Variants in AGAP3 observed in about 807,000 individuals in gnomAD.
The protein encoded by AGAP3 is arf-GAP with GTPase, ANK repeat and PH domain-containing protein 3.
Under a neutral mutation model 96.9 loss-of-function variants are expected in AGAP3, and 24 were observed. The ratio of observed to expected loss-of-function variants is 0.25; its 90% CI spans 0.18 to 0.35. The LOEUF (loss-of-function observed/expected upper bound fraction) is 0.35, where lower values mean the gene tolerates loss of function less well. AGAP3 is among the 10% of genes least tolerant of loss of function. The probability of loss-of-function intolerance (pLI) is 1.00; values close to 1 mark genes in which losing one functional copy is unlikely to be tolerated. For synonymous variants in AGAP3, 563 were observed against 536.1 expected, an observed-to-expected ratio of 1.05 and a Z score of -0.69; for missense variants, 876 against 1,254.2, an observed-to-expected ratio of 0.70 and a Z score of 4.55.
intron 1 of AGAP3, among the ~76,000 whole-genome samples, chr7:151,106,302 G>C (rs1488974888): frequency 6.6e-6 from 1 of 152,112 alleles, no homozygotes. Flanking sequence ...TCAGGCTGGT[G>C]AAAGAGTCTT....
At chr7:151,093,295 C>T (rs1329892945) in intron 1 of AGAP3, among the ~76,000 whole-genome samples, 1 of 152,092 alleles carries the variant, frequency 6.6e-6, no homozygotes, top group Non-Finnish European at 1.5e-5. Context: ...TATGCACCAG[C>T]ACACCCAGCT....
intron 1 of AGAP3, among the ~76,000 whole-genome samples, chr7:151,097,771 C>T (rs1373370469): frequency 1.3e-5 from 2 of 152,100 alleles, no homozygotes; most frequent in Admixed American, 1.3e-4. Flanking sequence ...CCCAAACACC[C>T]TCCCACCAGG....
In AGAP3 at chr7:151,143,250, G is replaced by C. The variant is rs1169951156; in HGVS notation, c.2274-91G>C. 10 of 1,455,708 alleles carry C rather than the reference G, an allele frequency of 6.9e-6. 1 individual carries two copies. The Admixed American group carries it at 2.2e-4, about 32-fold the overall frequency. The allele number at this position is 1,455,708 out of a possible 1,614,324, so 90.2% of individuals were successfully genotyped here. A position where few individuals can be genotyped will look rare whatever the true frequency, so the allele number is the denominator to read the frequency against. On this transcript the variant is annotated intron_variant, in intron 16 of 17. Transcript: ENST00000397238. This position sits in a 1 kb window ranked among gnomAD's most constrained non-coding sequence, Gnocchi z 5.9. ...CACTGTTTCTTCCTTGTTCCCCCGG[G>C]TGCTCGCTTCCTTTCCTGCCCACCT...
Position 151,138,273 on chromosome 7 carries a change from T to C in AGAP3, c.1626T>C (p.Ser542=). The C allele has an allele frequency of 6.2e-7, 1 of 1,612,654 alleles. No homozygotes were observed. Residue 542 remains serine (S), a synonymous_variant, in exon 12 of 18, where the codon AGT becomes AGC. Transcript: ENST00000397238. ...SCSVSSADQW[S]EATTSLPPGM... ...CCGTTTCCAGCGCCGACCAGTGGAG[T>C]GAGGCCACCACTTCCCTGCCCCCAG...
chr7:151,100,144 G>A (rs1798779500), intron 1 of AGAP3, among the ~76,000 whole-genome samples: 1 of 152,236 alleles, frequency 6.6e-6, no homozygotes, highest in Admixed American at 6.5e-5. Context: ...CGCCCTTTGT[G>A]GCGTCTCAGA....
At chr7:151,120,897 G>T (rs1799851005) in intron 8 of AGAP3, 2 of 1,076,694 alleles carry the variant, frequency 1.9e-6, no homozygotes, top group East Asian at 8.0e-5. Context: ...GCGACACACA[G>T]TGCCCATCCA....
chr7:151,099,681 C>T lies in AGAP3; in HGVS notation c.331+12609C>T, dbSNP rs375692936. On this transcript the variant is annotated intron_variant, in intron 1 of 17. Transcript: ENST00000397238. ...CTGGCACCGGGACCGGGCCGCTGGC[C>T]GCTGTCAGTCAGCATCTTGACCACC... is the stretch of plus-strand genomic sequence containing the variant. Among the ~76,000 whole-genome samples the T allele has an allele frequency of 2.0e-4, 30 of 152,302 alleles. No homozygotes were observed. In the East Asian group the frequency reaches 3.1e-3, roughly 16 times the overall value.
Position 151,117,475 on chromosome 7 carries a change from G to T in AGAP3, c.564+19G>T. On this transcript the variant is annotated intron_variant, in intron 4 of 17. Coordinates refer to ENST00000397238, the MANE Select transcript of AGAP3 (RefSeq NM_031946.7). ...GCTCCAGGTGATGCTCCTGCCCAGGGTTAGGGCCCACCGCTGTGCCTGGAG... is the reference window on the plus strand; with the variant it reads ...GCTCCAGGTGATGCTCCTGCCCAGGTTTAGGGCCCACCGCTGTGCCTGGAG... 6.8e-6 allele frequency: 11 copies of T among 1,614,102 alleles called. No homozygotes were observed. Among genetic ancestry groups the T allele is most frequent in the Non-Finnish European group, 9.3e-6 (11 of 1,179,960 alleles).
Position 151,134,596 on chromosome 7 carries a change from G to C in AGAP3, c.1495+28G>C, listed in dbSNP as rs780165231. Reference sequence around the variant, plus strand: ...GAGGCGGCTGCTGAGGTGGGGGCCTGGGGGGTGGCTGCCTTGGAGCCAAGG... The same window carrying C: ...GAGGCGGCTGCTGAGGTGGGGGCCTCGGGGGTGGCTGCCTTGGAGCCAAGG... On this transcript the variant is annotated intron_variant, in intron 11 of 17. Coordinates refer to ENST00000397238, the MANE Select transcript of AGAP3 (RefSeq NM_031946.7). 23 of 1,572,208 alleles carry C rather than the reference G, an allele frequency of 1.5e-5. 1 individual carries two copies. In the African/African-American group the frequency reaches 2.4e-4, roughly 17 times the overall value.
chr7:151,100,470 T>C (rs1401850694), intron 1 of AGAP3, among the ~76,000 whole-genome samples: 1 of 152,174 alleles, frequency 6.6e-6, no homozygotes, highest in Non-Finnish European at 1.5e-5. Flanking sequence ...GCTACGCCAG[T>C]GTCGGGATTG....
intron 7 of AGAP3, among the ~76,000 whole-genome samples, chr7:151,119,001 G>T (rs1799733951): frequency 6.6e-6 from 1 of 152,232 alleles, no homozygotes; most frequent in Non-Finnish European, 1.5e-5. Context: ...ATCTCTCCAA[G>T]GCCTGCCCTG....
chr7:151,087,671 G>T (rs1585025974), intron 1 of AGAP3, among the ~76,000 whole-genome samples: 2 of 152,362 alleles, frequency 1.3e-5, no homozygotes, highest in African/African-American at 4.8e-5. Context: ...CGGGTCATGA[G>T]CCTGACGGGG....
rs560752491 is a variant in AGAP3, at chr7:151,114,448, C to T, written c.332-2345C>T. ...TAATGACAGCTCCTCACCTACCTGC[C>T]GGATCCTAGGAGGCGCCCTGGGCTG... On this transcript the variant is annotated intron_variant, in intron 1 of 17. Transcript: ENST00000397238. This position sits in a 1 kb window ranked among gnomAD's most constrained non-coding sequence, Gnocchi z 4.4. Among the ~76,000 whole-genome samples the T allele has an allele frequency of 1.1e-3, 170 of 152,332 alleles. 1 individual carries two copies. The highest frequency in any genetic ancestry group is 3.4e-4 in the Non-Finnish European group (23 of 68,016).
chr7:151,085,943 T>C (rs1445406526), upstream of AGAP3: 1 of 152,052 alleles, frequency 6.6e-6, no homozygotes, highest in African/African-American at 2.4e-5. Flanking sequence ...GGCAGCAGGG[T>C]GGTCTCTAGG....
intron 1 of AGAP3, among the ~76,000 whole-genome samples, chr7:151,089,171 A>G (rs929438434): frequency 6.6e-6 from 1 of 152,110 alleles, no homozygotes; most frequent in Non-Finnish European, 1.5e-5. Flanking sequence ...AAAGAAAAAA[A>G]AAACCACTCC....
At chr7:151,100,052 C>T (rs535439652) in intron 1 of AGAP3, among the ~76,000 whole-genome samples, 133 of 152,274 alleles carry the variant, frequency 8.7e-4, no homozygotes, top group Non-Finnish European at 1.6e-3. Context: ...CCTTCCTACC[C>T]GCTCTTGTGA....
chr7:151,132,591 G>A (rs933157464), intron 10 of AGAP3, among the ~76,000 whole-genome samples: 1 of 152,214 alleles, frequency 6.6e-6, no homozygotes, highest in Non-Finnish European at 1.5e-5. Flanking sequence ...GAATGAAGGC[G>A]ACTGCAGGCT....
Position 151,144,344 on chromosome 7 carries a change from C to T in AGAP3, c.*401C>T, listed in dbSNP as rs1403176863. The T allele has an allele frequency of 2.9e-5, 7 of 238,598 alleles. No homozygotes were observed. Among genetic ancestry groups the T allele is most frequent in the African/African-American group, 1.6e-4 (7 of 44,280 alleles). The allele number at this position is 238,598 out of a possible 1,614,324, so 14.8% of individuals were successfully genotyped here. On this transcript the variant is annotated 3_prime_UTR_variant, in exon 18 of 18. Coordinates refer to ENST00000397238, the MANE Select transcript of AGAP3 (RefSeq NM_031946.7). ...GAGACGAGGGGTGATCTGTGAGTCC[C>T]ATGTAAACTTTGTACATTGGAATAT...
intron 1 of AGAP3, among the ~76,000 whole-genome samples, chr7:151,092,241 G>A (rs1055354257): frequency 6.6e-6 from 1 of 152,216 alleles, no homozygotes; most frequent in Non-Finnish European, 1.5e-5. Flanking sequence ...CCCAGAAGTG[G>A]AGGGAACGAG....
Sources: allele counts gnomAD v4.1 joint callset (sites outside exome capture counted in the v4.1 genomes callset), GRCh38; gene constraint gnomAD v4.1.1; non-coding constraint Gnocchi (gnomAD v3.1); transcripts MANE v1.5; gene names NCBI Gene and HGNC (gene_info 2026-07-23, HGNC 2026-07-21).